PRRG4: variants seen among roughly 807,000 people sequenced by gnomAD.
The protein encoded by PRRG4 is proline rich and Gla domain 4.
PRRG4 carries 12 observed loss-of-function variants against 20.0 expected under a neutral mutation model. The ratio of observed to expected loss-of-function variants is 0.60; its 90% confidence interval spans 0.38 to 0.97. PRRG4 has a LOEUF of 0.97. Among genes scored for constraint, PRRG4 ranks in the 50% least tolerant of loss-of-function variants. The pLI is 0.00. For synonymous variants in PRRG4, 94 were observed against 96.4 expected, an observed-to-expected ratio of 0.98 and a Z score of 0.15; for missense variants, 199 against 265.1, an observed-to-expected ratio of 0.75 and a Z score of 1.73.
chr11:32,843,093 T>C (rs1456503939), intron 5 of PRRG4, among the ~76,000 whole-genome samples: 1 of 152,096 alleles, frequency 6.6e-6, no homozygotes, highest in East Asian at 1.9e-4. Flanking sequence ...TCCATCTGCT[T>C]CGGCCTCCCA....
At chr11:32,838,777 T>C (rs1565114252) in intron 3 of PRRG4, 105 bp from the exon 4 acceptor site, 1 of 759,970 alleles carries the variant, frequency 1.3e-6, no homozygotes, top group Non-Finnish European at 2.3e-6. Context: ...CTCCTACCTA[T>C]GGTGCATGCC....
chr11:32,851,738 T>C (rs1851184662), intron 5 of PRRG4, among the ~76,000 whole-genome samples: 1 of 152,200 alleles, frequency 6.6e-6, no homozygotes, highest in South Asian at 2.1e-4. Flanking sequence ...GACTAGAAGT[T>C]AGGGGTTATC....
rs1565113847 is a variant in PRRG4, at chr11:32,837,534, TGATGATG to T, written c.267+714_267+720del. On this transcript the variant is annotated intron_variant, in intron 3 of 5. Transcript: ENST00000257836. ...ATGATGATGATGATGATGATGATGATGATGATGATTATTATTATTATTATTATTATTA... is the reference window on the plus strand; with the variant it reads ...ATGATGATGATGATGATGATGATGATATTATTATTATTATTATTATTATTA... 9.2e-3 allele frequency among the ~76,000 whole-genome samples: 965 copies of T among 104,808 alleles called. 6 individuals carry two copies. Among genetic ancestry groups the T allele is most frequent in the South Asian group, 0.033 (99 of 3,040 alleles). The allele number at this position is 104,808 out of a possible 152,430, so 68.8% of individuals were successfully genotyped here. A position where few individuals can be genotyped will look rare whatever the true frequency, so the allele number is the denominator to read the frequency against.
Position 32,857,359 on chromosome 11 carries a change from C to T in PRRG4, c.*3832C>T, listed in dbSNP as rs1851235352. Reference sequence around the variant, plus strand: ...GGAGATGGGGTTTTGCCATGTTGGCCAGGCTGGTCTCAAACTCCTGACCTC... The same window carrying T: ...GGAGATGGGGTTTTGCCATGTTGGCTAGGCTGGTCTCAAACTCCTGACCTC... On this transcript the variant is annotated 3_prime_UTR_variant, in exon 6 of 6. Coordinates refer to ENST00000257836, the MANE Select transcript of PRRG4 (RefSeq NM_024081.6). 1 of 152,222 alleles carries T rather than the reference C, an allele frequency of 6.6e-6. No individual in the cohort carries two copies. The highest frequency in any genetic ancestry group is 2.4e-5 in the African/African-American group (1 of 41,406). 9.4% of individuals were successfully genotyped at this position (152,222 alleles called of 1,614,324 possible).
chr11:32,836,182 A>G (rs1851017939), intron 2 of PRRG4, among the ~76,000 whole-genome samples: 1 of 152,158 alleles, frequency 6.6e-6, no homozygotes, highest in African/African-American at 2.4e-5. Context: ...AAATTAGGAA[A>G]TGGCAGCCCA....
chr11:32,841,626 TGA>T (rs778521538), intron 5 of PRRG4, among the ~76,000 whole-genome samples: 2 of 151,946 alleles, frequency 1.3e-5, no homozygotes, highest in East Asian at 1.9e-4. Context: ...GGCCACATAG[TGA>T]GACTCCTATC....
At chr11:32,841,665 C>G (rs536276881) in intron 5 of PRRG4, among the ~76,000 whole-genome samples, 5 of 152,104 alleles carry the variant, frequency 3.3e-5, no homozygotes, top group African/African-American at 1.2e-4. Flanking sequence ...CAAAAATTAG[C>G]TGGGCACGGT....
chr11:32,843,111 C>T (rs891793066), intron 5 of PRRG4, among the ~76,000 whole-genome samples: 11 of 151,964 alleles, frequency 7.2e-5, no homozygotes, highest in African/African-American at 2.4e-4. Context: ...CCAAAGTTTT[C>T]GGATTACAGG....
intron 5 of PRRG4, among the ~76,000 whole-genome samples, chr11:32,852,437 G>C (rs1851191074): frequency 6.6e-6 from 1 of 152,166 alleles, no homozygotes; most frequent in South Asian, 2.1e-4. Flanking sequence ...ATGGAGGAGA[G>C]AGACAGGCAT....
rs1851215037 is a variant in PRRG4, at chr11:32,854,725, GTCA to G, written c.*1203_*1205del. ...TTATATGTTAAATTATTGCACAGCA[GTCA>G]TCATATTTTGCAGAGTTTAGTTCTT... On this transcript the variant is annotated 3_prime_UTR_variant, in exon 6 of 6. Coordinates refer to ENST00000257836, the MANE Select transcript of PRRG4 (RefSeq NM_024081.6). 6.6e-6 allele frequency: 1 copy of G among 152,088 alleles called. No homozygotes were observed. Among genetic ancestry groups the G allele is most frequent in the Non-Finnish European group, 1.5e-5 (1 of 68,026 alleles). 9.4% of individuals were successfully genotyped at this position (152,088 alleles called of 1,614,324 possible). A position where few individuals can be genotyped will look rare whatever the true frequency, so the allele number is the denominator to read the frequency against.
At chr11:32,847,660 G>A (rs1189125797) in intron 5 of PRRG4, among the ~76,000 whole-genome samples, 1 of 152,130 alleles carries the variant, frequency 6.6e-6, no homozygotes, top group Non-Finnish European at 1.5e-5. Flanking sequence ...GTATCCAAAA[G>A]CATTGAAAAC....
At position 32,853,746 on chromosome 11, in the gene PRRG4, C is replaced by T. The variant is rs1228322604; in HGVS notation, c.*219C>T. ...GGGAGGCTGAAGCAGGAGAATTGCT[C>T]GAACCTGGGAGGCAGAGGTTGCAGT... is the stretch of plus-strand genomic sequence containing the variant. On this transcript the variant is annotated 3_prime_UTR_variant, in exon 6 of 6. Transcript: ENST00000257836. 1.3e-5 allele frequency: 6 copies of T among 471,372 alleles called. No homozygotes were observed. The East Asian group carries it at 1.6e-4, about 12-fold the overall frequency. The allele number at this position is 471,372 out of a possible 1,614,324, so 29.2% of individuals were successfully genotyped here. A position where few individuals can be genotyped will look rare whatever the true frequency, so the allele number is the denominator to read the frequency against.
In PRRG4 at chr11:32,855,126, T is replaced by C. The variant is rs1220901935; in HGVS notation, c.*1599T>C. ...TTAATGTTACCAGAAACCTTTTGCA[T>C]CTCTTAATATGTCTGAACACAAAAG... On this transcript the variant is annotated 3_prime_UTR_variant, in exon 6 of 6. Transcript: ENST00000257836. 6.6e-6 allele frequency: 1 copy of C among 152,230 alleles called. No individual in the cohort carries two copies. The highest frequency in any genetic ancestry group is 1.5e-5 in the Non-Finnish European group (1 of 68,020). The allele number at this position is 152,230 out of a possible 1,614,324, so 9.4% of individuals were successfully genotyped here.
chr11:32,830,072 A>C lies in PRRG4; in HGVS notation c.-124A>C. ...GAGAGCGAGGCCCGGAGCGTCGCCG[A>C]GGTTTGAGGGCGCCGGAGACCGAGG... On this transcript the variant is annotated 5_prime_UTR_variant, in exon 1 of 6. Coordinates refer to ENST00000257836, the MANE Select transcript of PRRG4 (RefSeq NM_024081.6). 2 of 988,310 alleles carry C rather than the reference A, an allele frequency of 2.0e-6. No homozygotes were observed. The highest frequency in any genetic ancestry group is 2.4e-6 in the Non-Finnish European group (2 of 832,136). 61.2% of individuals were successfully genotyped at this position (988,310 alleles called of 1,614,324 possible).
At chr11:32,851,984 A>G (rs1030284665) in intron 5 of PRRG4, among the ~76,000 whole-genome samples, 1 of 152,224 alleles carries the variant, frequency 6.6e-6, no homozygotes. Context: ...TGTCTAAATC[A>G]TAATTTGTAC....
Position 32,840,625 on chromosome 11 carries a change from C to T in PRRG4, c.449+386C>T, listed in dbSNP as rs1851068704. Among the ~76,000 whole-genome samples the T allele has an allele frequency of 6.6e-6, 1 of 152,176 alleles. No homozygotes were observed. The highest frequency in any genetic ancestry group is 2.4e-5 in the African/African-American group (1 of 41,456). ...CCAGTCTGTGGCAATTGTCTGGTCT[C>T]CTAATTTAACATTTACATAAACAAC... On this transcript the variant is annotated intron_variant, in intron 5 of 5. Coordinates refer to ENST00000257836, the MANE Select transcript of PRRG4 (RefSeq NM_024081.6). This position sits in a 1 kb window ranked among gnomAD's most constrained non-coding sequence, Gnocchi z 4.1.
In PRRG4 at chr11:32,853,891, AAGGAGG is replaced by A. The variant is rs67566376; in HGVS notation, c.*376_*381del. 2.6e-4 allele frequency: 47 copies of A among 182,136 alleles called. No individual in the cohort carries two copies. The highest frequency in any genetic ancestry group is 4.5e-4 in the Non-Finnish European group (38 of 85,034). The allele number at this position is 182,136 out of a possible 1,614,324, so 11.3% of individuals were successfully genotyped here. A position where few individuals can be genotyped will look rare whatever the true frequency, so the allele number is the denominator to read the frequency against. On this transcript the variant is annotated 3_prime_UTR_variant, in exon 6 of 6. Coordinates refer to ENST00000257836, the MANE Select transcript of PRRG4 (RefSeq NM_024081.6). ...AAAAGAGAAGAAGGAGAAGGAGATG[AAGGAGG>A]AGGAGGAGGAGAAGGAGAAGAAGAA... is the stretch of plus-strand genomic sequence containing the variant.
Position 32,840,303 on chromosome 11 carries a change from G to A in PRRG4, c.449+64G>A. 8.2e-7 allele frequency: 1 copy of A among 1,223,728 alleles called. No homozygotes were observed. Among genetic ancestry groups the A allele is most frequent in the South Asian group, 1.5e-5 (1 of 66,016 alleles). The allele number at this position is 1,223,728 out of a possible 1,614,324, so 75.8% of individuals were successfully genotyped here. ...ATTCTATATTATTATTTTAACAATG[G>A]GTCAAGCAAATGGCTGCCTATTTTC... On this transcript the variant is annotated intron_variant, in intron 5 of 5. Coordinates refer to ENST00000257836, the MANE Select transcript of PRRG4 (RefSeq NM_024081.6). The surrounding 1 kb of genome is among the most constrained non-coding windows in gnomAD (Gnocchi z 4.1).
In PRRG4 at chr11:32,858,084, A is replaced by G. The variant is rs947849637; in HGVS notation, c.*4557A>G. 4 of 152,128 alleles carry G rather than the reference A, an allele frequency of 2.6e-5. No homozygotes were observed. Among genetic ancestry groups the G allele is most frequent in the Admixed American group, 6.5e-5 (1 of 15,280 alleles). 9.4% of individuals were successfully genotyped at this position (152,128 alleles called of 1,614,324 possible). A position where few individuals can be genotyped will look rare whatever the true frequency, so the allele number is the denominator to read the frequency against. On this transcript the variant is annotated 3_prime_UTR_variant, in exon 6 of 6. Coordinates refer to ENST00000257836, the MANE Select transcript of PRRG4 (RefSeq NM_024081.6). The stretch of plus-strand genomic sequence containing the variant: ...TTTTAAGAGGTTTCCTGTTATATAC[A>G]CTTTTTACACATGCAAATAAACTTT...
Sources: gnomAD v4.1 joint callset for allele counts (sites outside exome capture counted in the v4.1 genomes callset) on GRCh38, gnomAD v4.1.1 for gene constraint, Gnocchi (gnomAD v3.1) non-coding constraint, MANE v1.5 for transcripts, NCBI Gene and HGNC (gene_info 2026-07-23, HGNC 2026-07-21) for gene names.